The following STARD13 variants were observed in gnomAD, a reference collection of about 807,000 sequenced individuals.
STARD13 encodes stAR-related lipid transfer protein 13.
Under a neutral mutation model 106.4 loss-of-function variants are expected in STARD13, and 62 were observed. The ratio of observed to expected loss-of-function variants is 0.58; its 90% confidence interval spans 0.48 to 0.72. The LOEUF (loss-of-function observed/expected upper bound fraction) is 0.72, where lower values mean the gene tolerates loss of function less well. Among genes scored for constraint, STARD13 ranks in the 30% least tolerant of loss-of-function variants. The pLI is 0.00. For missense variants in STARD13, 1,387 were observed against 1,424.0 expected (o/e 0.97, Z 0.42); for synonymous variants, 565 against 553.0 (o/e 1.02, Z -0.31).
the STARD13 span, among the ~76,000 whole-genome samples, chr13:33,532,190 A>G: frequency 1.3e-5 from 2 of 152,162 alleles, no homozygotes; most frequent in African/African-American, 4.8e-5. Flanking sequence ...GCTACAAAGT[A>G]AGTTTTTCTG....
intron 7 of STARD13, among the ~76,000 whole-genome samples, chr13:33,121,292 C>T (rs1241902550): frequency 1.3e-5 from 2 of 152,112 alleles, no homozygotes; most frequent in Non-Finnish European, 2.9e-5. Flanking sequence ...TTTGGCCGAG[C>T]ACAGTGGCTC....
chr13:33,550,341 A>G, the STARD13 span, among the ~76,000 whole-genome samples: 3 of 152,244 alleles, frequency 2.0e-5, no homozygotes, highest in Non-Finnish European at 4.4e-5. Context: ...TGTCTATCAT[A>G]GCAAGGTTTT....
chr13:33,377,291 C>A, the STARD13 span, among the ~76,000 whole-genome samples: 1 of 147,412 alleles, frequency 6.8e-6, no homozygotes, highest in Admixed American at 6.8e-5. Flanking sequence ...AAACAAGAGC[C>A]ACGTTCTGGT....
chr13:33,447,608 G>A, the STARD13 span, among the ~76,000 whole-genome samples: 1 of 152,160 alleles, frequency 6.6e-6, no homozygotes, highest in Admixed American at 6.5e-5. Flanking sequence ...CAGTGCAAGA[G>A]TATAAAACAT....
At chr13:33,163,583 C>A in intron 3 of STARD13, among the ~76,000 whole-genome samples, 2 of 69,752 alleles carry the variant, frequency 2.9e-5, no homozygotes, top group African/African-American at 5.2e-5. Context: ...GAGCAAGACT[C>A]TGTCTCAAAA....
chr13:33,610,255 G>C, the STARD13 span, among the ~76,000 whole-genome samples: 4 of 152,166 alleles, frequency 2.6e-5, no homozygotes, highest in African/African-American at 9.7e-5. Context: ...GGTTCACTCT[G>C]GGGAGGGGAG....
At chr13:33,565,710 G>C in the STARD13 span, among the ~76,000 whole-genome samples, 1 of 147,670 alleles carries the variant, frequency 6.8e-6, no homozygotes, top group East Asian at 2.0e-4. Flanking sequence ...CTCCAAACAG[G>C]TAAGAAACAT....
At chr13:33,605,952 C>T in the STARD13 span, among the ~76,000 whole-genome samples, 1 of 152,116 alleles carries the variant, frequency 6.6e-6, no homozygotes, top group Non-Finnish European at 1.5e-5. Context: ...AATTTCTCTA[C>T]ATACTAGCTG....
At chr13:33,545,717 C>T in the STARD13 span, among the ~76,000 whole-genome samples, 1 of 152,140 alleles carries the variant, frequency 6.6e-6, no homozygotes, top group Non-Finnish European at 1.5e-5. Context: ...TTGTTAAGAG[C>T]CTGGCACCTC....
the STARD13 span, among the ~76,000 whole-genome samples, chr13:33,366,771 C>T: frequency 1.3e-5 from 2 of 152,182 alleles, no homozygotes; most frequent in Admixed American, 6.5e-5. This position sits in a 1 kb window ranked among gnomAD's most constrained non-coding sequence, Gnocchi z 4.2. Flanking sequence ...ATTATTGGAC[C>T]TCTGGATTAA....
At chr13:33,366,336 T>A in the STARD13 span, among the ~76,000 whole-genome samples, 2 of 152,180 alleles carry the variant, frequency 1.3e-5, no homozygotes, top group Admixed American at 1.3e-4. The surrounding 1 kb of genome is among the most constrained non-coding windows in gnomAD (Gnocchi z 4.2). Context: ...ATAGCCAGTA[T>A]GTTTGTTTTT....
chr13:33,139,919 G>A (rs186131251), intron 4 of STARD13, among the ~76,000 whole-genome samples: 138 of 152,284 alleles, frequency 9.1e-4, no homozygotes, highest in Admixed American at 4.0e-3. Flanking sequence ...GAGACCACAT[G>A]TCAGCATTAT....
chr13:33,144,236 C>T (rs1447029611), intron 3 of STARD13, among the ~76,000 whole-genome samples: 1 of 152,212 alleles, frequency 6.6e-6, no homozygotes, highest in African/African-American at 2.4e-5. Context: ...CTCCTACGTA[C>T]TGTCTTGTCT....
In STARD13 at chr13:33,103,252, A is replaced by G. The variant is rs1330063468; in HGVS notation, c.*2341T>C. 1 of 152,678 alleles carries G rather than the reference A, an allele frequency of 6.5e-6. No individual in the cohort carries two copies. Among genetic ancestry groups the G allele is most frequent in the East Asian group, 1.9e-4 (1 of 5,206 alleles). 9.5% of individuals were successfully genotyped at this position (152,678 alleles called of 1,614,324 possible). A position where few individuals can be genotyped will look rare whatever the true frequency, so the allele number is the denominator to read the frequency against. ...AGGTAAAAATATACATGAGGTATAA[A>G]TATAATATTTAAATGCAATATCATA... On this transcript the variant is annotated 3_prime_UTR_variant, in exon 14 of 14. Transcript: ENST00000336934.
intron 1 of STARD13, among the ~76,000 whole-genome samples, chr13:33,220,549 G>A (rs531557168): frequency 6.6e-5 from 10 of 152,118 alleles, no homozygotes; most frequent in East Asian, 5.8e-4. Context: ...AAAATTAGCC[G>A]GGTGTGGTGG....
the STARD13 span, among the ~76,000 whole-genome samples, chr13:33,531,882 GT>G: frequency 1.1e-4 from 17 of 152,046 alleles, no homozygotes; most frequent in East Asian, 3.8e-4. Flanking sequence ...TTACTCATTT[GT>G]TTTTTATCTC....
chr13:33,394,808 AG>A, the STARD13 span, among the ~76,000 whole-genome samples: 1 of 152,260 alleles, frequency 6.6e-6, no homozygotes, highest in Non-Finnish European at 1.5e-5. Context: ...TGGCCAGAGC[AG>A]GCAGAGTTAT....
chr13:33,421,500 C>T, the STARD13 span, among the ~76,000 whole-genome samples: 16 of 152,204 alleles, frequency 1.1e-4, no homozygotes, highest in South Asian at 1.9e-3. Flanking sequence ...GATTCACAGC[C>T]GAACTCTACC....
chr13:33,343,536 T>C (rs7323304), intron 1 of STARD13, among the ~76,000 whole-genome samples: 137,531 of 141,464 alleles, frequency 0.97, 66,954 homozygotes, highest in East Asian at 1. Flanking sequence ...CATGATTCCA[T>C]CACCGTACTC....
Sources: gnomAD v4.1 joint callset for allele counts (sites outside exome capture counted in the v4.1 genomes callset) on GRCh38, gnomAD v4.1.1 for gene constraint, Gnocchi (gnomAD v3.1) non-coding constraint, MANE v1.5 for transcripts, NCBI Gene and HGNC (gene_info 2026-07-23, HGNC 2026-07-21) for gene names.